Variants in RABGAP1 observed in about 807,000 individuals in gnomAD.
RABGAP1 encodes RAB GTPase activating protein 1.
RABGAP1 carries 23 observed loss-of-function variants against 137.6 expected under a neutral mutation model. The ratio of observed to expected loss-of-function variants is 0.17; its 90% CI spans 0.12 to 0.24. The LOEUF (loss-of-function observed/expected upper bound fraction) is 0.24. RABGAP1 is among the 10% of genes least tolerant of loss of function. RABGAP1 has a pLI of 1.00. For synonymous variants in RABGAP1, 451 were observed against 450.7 expected (o/e 1.00, Z -0.01); for missense variants, 906 against 1,275.8 (o/e 0.71, Z 4.42).
chr9:122,944,889 C>T (rs71511548), intron 1 of RABGAP1, among the ~76,000 whole-genome samples: 1 of 151,836 alleles, frequency 6.6e-6, no homozygotes, highest in East Asian at 1.9e-4. Context: ...AATAATCTTT[C>T]TTAGCAAGAC....
intron 17 of RABGAP1, 141 bp downstream of exon 17, chr9:123,074,569 A>G: frequency 1.0e-6 from 1 of 957,146 alleles, no homozygotes; most frequent in Admixed American, 3.2e-5. Flanking sequence ...ATCTAGGTTT[A>G]AGTGACTTCC....
At chr9:122,942,687 A>C (rs1292653250) in intron 1 of RABGAP1, among the ~76,000 whole-genome samples, 7 of 148,146 alleles carry the variant, frequency 4.7e-5, no homozygotes, top group African/African-American at 1.7e-4. Flanking sequence ...AAAAAAAAAA[A>C]ACACAAAAAA....
At chr9:123,072,487 C>T (rs547220522) in intron 15 of RABGAP1, among the ~76,000 whole-genome samples, 1 of 152,258 alleles carries the variant, frequency 6.6e-6, no homozygotes, top group African/African-American at 2.4e-5. Context: ...ATGGGTTTTC[C>T]AATCAGACCC....
rs567784666 is a variant in RABGAP1 at position 123,019,540 on chromosome 9, C to T, written c.1644-769C>T. On this transcript the variant is annotated intron_variant, in intron 12 of 25. Transcript: ENST00000373647. Reference sequence around the variant, plus strand: ...ATATTACCTAGGCTGGTCCAGAACTCCTGGGTTCAAGAAATCTTCCCACCT... The same window carrying T: ...ATATTACCTAGGCTGGTCCAGAACTTCTGGGTTCAAGAAATCTTCCCACCT... Among the ~76,000 whole-genome samples, 20 of 152,218 alleles carry T rather than the reference C, an allele frequency of 1.3e-4. No individual in the cohort carries two copies. The East Asian group carries it at 3.3e-3, about 25-fold the overall frequency.
intron 25 of RABGAP1, 116 bp downstream of exon 25, chr9:123,101,879 C>A: frequency 9.1e-7 from 1 of 1,099,062 alleles, no homozygotes; most frequent in Non-Finnish European, 1.3e-6. Flanking sequence ...AAACTTTGGT[C>A]ACAGTTGTCA....
chr9:123,065,059 A>G (rs951305348), intron 13 of RABGAP1, among the ~76,000 whole-genome samples: 3 of 152,150 alleles, frequency 2.0e-5, no homozygotes, highest in African/African-American at 4.8e-5. Flanking sequence ...CACATTTTCC[A>G]TCTTACAATA....
chr9:123,053,586 T>C (rs765294170), intron 13 of RABGAP1, among the ~76,000 whole-genome samples: 3 of 152,220 alleles, frequency 2.0e-5, no homozygotes, highest in Non-Finnish European at 2.9e-5. Context: ...ATTGTTACTT[T>C]ATTCCTGTGA....
the RABGAP1 span, among the ~76,000 whole-genome samples, chr9:122,933,391 C>T: frequency 1.3e-5 from 2 of 151,186 alleles, no homozygotes; most frequent in Admixed American, 6.6e-5. Flanking sequence ...AGTATAACTA[C>T]ATCAGCTCTT....
At chr9:122,940,946 G>T (rs945372053), upstream of RABGAP1, 6 of 151,838 alleles carry the variant, frequency 4.0e-5, no homozygotes, top group African/African-American at 1.5e-4. Flanking sequence ...CTATGAGACG[G>T]GGCAGGGGGC....
intron 13 of RABGAP1, among the ~76,000 whole-genome samples, chr9:123,041,726 C>G (rs1310924543): frequency 1.3e-5 from 2 of 152,152 alleles, no homozygotes; most frequent in Non-Finnish European, 2.9e-5. Flanking sequence ...GAGCTGCTTT[C>G]TAAAGTCAAA....
intron 2 of RABGAP1, among the ~76,000 whole-genome samples, chr9:122,976,127 TTCA>T (rs1464671625): frequency 6.6e-6 from 1 of 152,204 alleles, no homozygotes; most frequent in Non-Finnish European, 1.5e-5. Context: ...GAATAAACAA[TTCA>T]TCATGCAGTC....
intron 19 of RABGAP1, among the ~76,000 whole-genome samples, chr9:123,081,292 G>A (rs1352140623): frequency 6.6e-6 from 1 of 152,174 alleles, no homozygotes; most frequent in South Asian, 2.1e-4. Flanking sequence ...AGTTACACGT[G>A]GATTTTCAGG....
chr9:123,056,688 G>A (rs931555649), intron 13 of RABGAP1, among the ~76,000 whole-genome samples: 7 of 151,812 alleles, frequency 4.6e-5, no homozygotes, highest in South Asian at 2.1e-4. Flanking sequence ...GACTCTTAAC[G>A]AGCATGCTGC....
At chr9:122,954,314 A>G (rs1834401753) in intron 1 of RABGAP1, among the ~76,000 whole-genome samples, 1 of 152,176 alleles carries the variant, frequency 6.6e-6, no homozygotes, top group Non-Finnish European at 1.5e-5. Context: ...CTGTCTATGG[A>G]GGCCAGAGAA....
chr9:122,944,297 G>GTT (rs1833808330), intron 1 of RABGAP1, among the ~76,000 whole-genome samples: 1 of 141,624 alleles, frequency 7.1e-6, no homozygotes, highest in African/African-American at 2.6e-5. Context: ...TAGTGCTGTC[G>GTT]TAGCTCACCT....
chr9:122,998,465 C>A, intron 9 of RABGAP1, 132 bp from the exon 10 acceptor site: 1 of 721,370 alleles, frequency 1.4e-6, no homozygotes, highest in Non-Finnish European at 2.2e-6. Context: ...AGTTATTTTA[C>A]ATGTTTAATT....
intron 1 of RABGAP1, among the ~76,000 whole-genome samples, chr9:122,948,385 T>C (rs769644580): frequency 5.9e-5 from 9 of 152,090 alleles, no homozygotes; most frequent in Non-Finnish European, 1.2e-4. Context: ...ATACTTGGGT[T>C]TGGATCAAGT....
At chr9:123,001,042 G>A (rs543762868) in intron 10 of RABGAP1, among the ~76,000 whole-genome samples, 1 of 151,840 alleles carries the variant, frequency 6.6e-6, no homozygotes, top group East Asian at 1.9e-4. Flanking sequence ...TAGAGATCGG[G>A]TTTCACTATG....
At chr9:122,967,604 C>G (rs1835231556) in intron 2 of RABGAP1, among the ~76,000 whole-genome samples, 1 of 152,150 alleles carries the variant, frequency 6.6e-6, no homozygotes, top group Admixed American at 6.5e-5. Context: ...TGAAAATTTT[C>G]TTGTAAACTT....
Sources: allele counts gnomAD v4.1 joint callset (sites outside exome capture counted in the v4.1 genomes callset), GRCh38; gene constraint gnomAD v4.1.1; transcripts MANE v1.5; gene names NCBI Gene and HGNC (gene_info 2026-07-23, HGNC 2026-07-21).